Variants in BCL2 observed in about 807,000 individuals in gnomAD.
BCL2 encodes apoptosis regulator Bcl-2.
Under a neutral mutation model 14.2 loss-of-function variants are expected in BCL2, and 1 was observed. The ratio of observed to expected loss-of-function variants is 0.07; its 90% confidence interval spans 0.02 to 0.33. The LOEUF (loss-of-function observed/expected upper bound fraction) is 0.33, where lower values mean the gene tolerates loss of function less well. BCL2 is among the 10% of genes least tolerant of loss of function. BCL2 has a pLI of 0.99. For synonymous variants in BCL2, 151 were observed against 137.2 expected, an observed-to-expected ratio of 1.10 and a Z score of -0.70; for missense variants, 247 against 305.9, an observed-to-expected ratio of 0.81 and a Z score of 1.44.
chr18:63,268,563 C>T (rs1195966790), intron 2 of BCL2, among the ~76,000 whole-genome samples: 1 of 152,182 alleles, frequency 6.6e-6, no homozygotes, highest in African/African-American at 2.4e-5. Flanking sequence ...CTCCAAACCT[C>T]CTTCTGGCTC....
intron 2 of BCL2, among the ~76,000 whole-genome samples, chr18:63,304,734 A>T (rs545321840): frequency 1.3e-5 from 2 of 152,332 alleles, no homozygotes; most frequent in Admixed American, 6.5e-5. Context: ...CTGATGGTCC[A>T]ATGCGGCATT....
chr18:63,318,415 A>C lies in BCL2; in HGVS notation c.252T>G (p.Pro84=), dbSNP rs773791165. The C allele has an allele frequency of 6.6e-7, 1 of 1,507,638 alleles. No individual in the cohort carries two copies. The highest frequency in any genetic ancestry group is 8.8e-7 in the Non-Finnish European group (1 of 1,137,530). 93.4% of individuals were successfully genotyped at this position (1,507,638 alleles called of 1,614,324 possible). ...TPAAPGAAAG[P]ALSPVPPVVH... ...CCACAGGTGGCACCGGGCTGAGCGCAGGCCCCGCGGCGGCGCCGGGGGCAG... is the reference window on the plus strand; with the variant it reads ...CCACAGGTGGCACCGGGCTGAGCGCCGGCCCCGCGGCGGCGCCGGGGGCAG... The change falls in exon 2 of 3, where the codon CCT becomes CCG. Residue 84 remains proline, a synonymous_variant. Coordinates refer to ENST00000333681, the MANE Select transcript of BCL2 (RefSeq NM_000633.3). The surrounding 1 kb of genome is among the most constrained non-coding windows in gnomAD (Gnocchi z 7.4).
chr18:63,263,006 GT>G (rs1466638372), intron 2 of BCL2, among the ~76,000 whole-genome samples: 2 of 152,190 alleles, frequency 1.3e-5, no homozygotes, highest in Non-Finnish European at 2.9e-5. Context: ...AAGATTTCAA[GT>G]TGGAGTAAAG....
chr18:63,178,995 G>C (rs1199765714), intron 2 of BCL2, among the ~76,000 whole-genome samples: 1 of 150,890 alleles, frequency 6.6e-6, no homozygotes, highest in Non-Finnish European at 1.5e-5. Flanking sequence ...TAATGGAAAA[G>C]CACCAACATG....
In BCL2 at chr18:63,132,373, C is replaced by T. The variant is rs112897237; in HGVS notation, c.586-3614G>A. Among the ~76,000 whole-genome samples the T allele has an allele frequency of 9.1e-3, 1,390 of 152,340 alleles. 14 individuals carry two copies. The highest frequency in any genetic ancestry group is 0.013 in the Non-Finnish European group (880 of 68,016). On this transcript the variant is annotated intron_variant, in intron 2 of 2. Coordinates refer to ENST00000333681, the MANE Select transcript of BCL2 (RefSeq NM_000633.3). ...CTTGCAGACCTGCTCCGCACCTACT[C>T]AACCTGCCCTTCCCCCAAGAAGTTC...
At chr18:63,276,949 T>G (rs1568255240) in intron 2 of BCL2, among the ~76,000 whole-genome samples, 1 of 152,034 alleles carries the variant, frequency 6.6e-6, no homozygotes, top group Non-Finnish European at 1.5e-5. Context: ...CATTGAAGAG[T>G]GAAAAGGGTG....
chr18:63,123,627 C>T lies in BCL2; in HGVS notation c.*4998G>A, dbSNP rs2144579270. On this transcript the variant is annotated 3_prime_UTR_variant, in exon 3 of 3. Transcript: ENST00000333681. ...ATCTTGATAACAAAAGCTTTCAATA[C>T]AAAAACACTTATTGTACACTTATTT... 1 of 209,918 alleles carries T rather than the reference C, an allele frequency of 4.8e-6. No homozygotes were observed. The highest frequency in any genetic ancestry group is 7.2e-5 in the East Asian group (1 of 13,852). The allele number at this position is 209,918 out of a possible 1,614,324, so 13.0% of individuals were successfully genotyped here.
At chr18:63,268,728 C>G (rs1248765133) in intron 2 of BCL2, among the ~76,000 whole-genome samples, 1 of 152,160 alleles carries the variant, frequency 6.6e-6, no homozygotes, top group African/African-American at 2.4e-5. Context: ...ATATTATTCA[C>G]AAACTTTGTG....
At chr18:63,218,302 G>A (rs1910263871) in intron 2 of BCL2, among the ~76,000 whole-genome samples, 1 of 152,048 alleles carries the variant, frequency 6.6e-6, no homozygotes. Context: ...CCAGCAGCAA[G>A]TCTATTGGTA....
At chr18:63,289,453 A>C (rs974132026) in intron 2 of BCL2, among the ~76,000 whole-genome samples, 1 of 152,186 alleles carries the variant, frequency 6.6e-6, no homozygotes, top group African/African-American at 2.4e-5. Flanking sequence ...CCCAGAACAG[A>C]GAAGGCAGGG....
At chr18:63,135,063 C>CT (rs1469171357) in intron 2 of BCL2, among the ~76,000 whole-genome samples, 1 of 152,162 alleles carries the variant, frequency 6.6e-6, no homozygotes, top group Non-Finnish European at 1.5e-5. Flanking sequence ...GATATTAGCT[C>CT]TTTTTTTAAA....
At chr18:63,210,049 T>C (rs909719123) in intron 2 of BCL2, among the ~76,000 whole-genome samples, 2 of 151,902 alleles carry the variant, frequency 1.3e-5, no homozygotes, top group South Asian at 2.1e-4. Flanking sequence ...GTAGGGACAG[T>C]TGGGAGTGAA....
chr18:63,288,624 T>C (rs1599292274), intron 2 of BCL2, among the ~76,000 whole-genome samples: 1 of 152,112 alleles, frequency 6.6e-6, no homozygotes, highest in African/African-American at 2.4e-5. Flanking sequence ...ACTTGGAAAA[T>C]GATTTGGTTC....
intron 2 of BCL2, among the ~76,000 whole-genome samples, chr18:63,232,118 G>GA (rs1444340279): frequency 2.6e-5 from 4 of 151,330 alleles, no homozygotes; most frequent in African/African-American, 4.9e-5. Context: ...CCCATATGGA[G>GA]AAAAAAAATA....
intron 2 of BCL2, among the ~76,000 whole-genome samples, chr18:63,168,119 G>T (rs1915089693): frequency 6.6e-6 from 1 of 152,216 alleles, no homozygotes; most frequent in African/African-American, 2.4e-5. Flanking sequence ...AGGTGGTTCT[G>T]CCTAAAGGCA....
chr18:63,127,412 A>G lies in BCL2; in HGVS notation c.*1213T>C, dbSNP rs1439197636. The G allele has an allele frequency of 7.6e-5, 18 of 236,600 alleles. No individual in the cohort carries two copies. The East Asian group carries it at 1.1e-3, about 14-fold the overall frequency. 14.7% of individuals were successfully genotyped at this position (236,600 alleles called of 1,614,324 possible). On this transcript the variant is annotated 3_prime_UTR_variant, in exon 3 of 3. Coordinates refer to ENST00000333681, the MANE Select transcript of BCL2 (RefSeq NM_000633.3). ...TTCCCTCTACAGTGATACATGTCTT[A>G]AGAAGGGTCGTGGCTCCCATGCTCC...
At chr18:63,254,391 A>C in intron 2 of BCL2, among the ~76,000 whole-genome samples, 1 of 145,204 alleles carries the variant, frequency 6.9e-6, no homozygotes, top group Admixed American at 6.8e-5. Flanking sequence ...GCTAAAAAAA[A>C]AAAAAAAAAA....
At chr18:63,204,606 G>A (rs183033726) in intron 2 of BCL2, among the ~76,000 whole-genome samples, 26 of 152,252 alleles carry the variant, frequency 1.7e-4, no homozygotes, top group African/African-American at 6.0e-4. Context: ...AGGCCAAATA[G>A]TTCACCCATA....
chr18:63,196,174 T>C (rs910943592), intron 2 of BCL2, among the ~76,000 whole-genome samples: 1 of 152,298 alleles, frequency 6.6e-6, no homozygotes, highest in African/African-American at 2.4e-5. Context: ...CTACCAGACC[T>C]GGTACACGGT....
Sources: gnomAD v4.1 joint callset for allele counts (sites outside exome capture counted in the v4.1 genomes callset) on GRCh38, gnomAD v4.1.1 for gene constraint, Gnocchi (gnomAD v3.1) non-coding constraint, MANE v1.5 for transcripts, NCBI Gene and HGNC (gene_info 2026-07-23, HGNC 2026-07-21) for gene names.